MYZAP: variants seen among roughly 807,000 people sequenced by gnomAD.
MYZAP encodes myocardial zonula adherens protein, also known as GRINL1A complex locus upstream.
MYZAP carries 66 observed loss-of-function variants against 69.4 expected under a neutral mutation model. The observed-to-expected ratio is 0.95, with a 90% CI of 0.78 to 1.17. MYZAP has a LOEUF of 1.17. Ranked by LOEUF, MYZAP falls within the 50% of genes most tolerant of loss-of-function variation. MYZAP has a pLI of 0.00. For synonymous variants in MYZAP, 256 were observed against 205.9 expected (o/e 1.24, Z -2.09); for missense variants, 611 against 556.2 (o/e 1.10, Z -0.99).
chr15:57,649,061 G>A (rs2037596437), intron 10 of MYZAP, among the ~76,000 whole-genome samples: 1 of 151,794 alleles, frequency 6.6e-6, no homozygotes, highest in Admixed American at 6.6e-5. Flanking sequence ...TCTCAGTTTT[G>A]TTTCTGCTGT....
intron 5 of MYZAP, among the ~76,000 whole-genome samples, chr15:57,628,762 C>T (rs1191671681): frequency 6.6e-6 from 1 of 152,112 alleles, no homozygotes; most frequent in Non-Finnish European, 1.5e-5. Flanking sequence ...GGCAGGCAGT[C>T]TAGAAGCGCA....
intron 1 of MYZAP, among the ~76,000 whole-genome samples, chr15:57,602,429 C>T (rs188340722): frequency 2.4e-4 from 36 of 152,226 alleles, no homozygotes; most frequent in African/African-American, 8.4e-4. Context: ...GTGTGTCTCT[C>T]CCCAAATTTC....
intron 8 of MYZAP, among the ~76,000 whole-genome samples, chr15:57,637,446 G>C (rs1456602352): frequency 6.6e-6 from 1 of 152,164 alleles, no homozygotes; most frequent in African/African-American, 2.4e-5. Flanking sequence ...TGGGCTGATG[G>C]AATACTTTGG....
intron 10 of MYZAP, among the ~76,000 whole-genome samples, chr15:57,659,917 A>G (rs1489430488): frequency 6.6e-6 from 1 of 152,062 alleles, no homozygotes; most frequent in African/African-American, 2.4e-5. Context: ...GTAGCTATTT[A>G]TTAATAATTA....
chr15:57,671,650 C>A (rs2038872539), intron 11 of MYZAP, among the ~76,000 whole-genome samples: 1 of 151,462 alleles, frequency 6.6e-6, no homozygotes, highest in South Asian at 2.1e-4. Flanking sequence ...TTTCCTTTAC[C>A]ATCTTCAGTC....
intron 10 of MYZAP, among the ~76,000 whole-genome samples, chr15:57,642,998 T>C (rs2037247005): frequency 6.6e-6 from 1 of 152,170 alleles, no homozygotes; most frequent in African/African-American, 2.4e-5. Context: ...CAAGTCCCTC[T>C]CACTAGGCTA....
rs1173341135 is a variant in MYZAP at position 57,646,379 on chromosome 15, A to G, written c.1119+6834A>G. 3.4e-6 allele frequency: 4 copies of G among 1,170,332 alleles called. No homozygotes were observed. In the South Asian group the frequency reaches 5.2e-5, roughly 15 times the overall value. 72.5% of individuals were successfully genotyped at this position (1,170,332 alleles called of 1,614,324 possible). A position where few individuals can be genotyped will look rare whatever the true frequency, so the allele number is the denominator to read the frequency against. ...CTCTTGTTTGTGAAAACACCCACAT[A>G]CTGTCACCCTGACTTGTACAGCCTC... On this transcript the variant is annotated intron_variant, in intron 10 of 12. Coordinates refer to ENST00000267853, the MANE Select transcript of MYZAP (RefSeq NM_001018100.5).
At chr15:57,675,567 CAG>C (rs1555465031) in intron 12 of MYZAP, among the ~76,000 whole-genome samples, 1 of 152,152 alleles carries the variant, frequency 6.6e-6, no homozygotes, top group Non-Finnish European at 1.5e-5. Flanking sequence ...AGTACTGTAA[CAG>C]GGTATTGTCA....
intron 11 of MYZAP, among the ~76,000 whole-genome samples, chr15:57,667,303 G>C (rs543370116): frequency 6.6e-6 from 1 of 152,182 alleles, no homozygotes; most frequent in Admixed American, 6.5e-5. Context: ...GGGCCTGAGG[G>C]GAATGGTGGG....
At chr15:57,650,200 CT>C (rs1162934402) in intron 10 of MYZAP, among the ~76,000 whole-genome samples, 2 of 152,156 alleles carry the variant, frequency 1.3e-5, no homozygotes, top group Non-Finnish European at 2.9e-5. Flanking sequence ...GTTGTTTCCC[CT>C]GTGCCATTGT....
intron 3 of MYZAP, among the ~76,000 whole-genome samples, chr15:57,620,257 A>T (rs146294116): frequency 6.6e-6 from 1 of 152,326 alleles, no homozygotes; most frequent in East Asian, 1.9e-4. Flanking sequence ...AATCTCCACC[A>T]ATATCCAGTA....
intron 12 of MYZAP, among the ~76,000 whole-genome samples, chr15:57,676,030 G>A (rs1038075189): frequency 6.6e-5 from 10 of 152,022 alleles, no homozygotes; most frequent in Non-Finnish European, 1.0e-4. Flanking sequence ...GTGACGAGCC[G>A]ATCACCAAGC....
chr15:57,681,760 G>A (rs918377436), intron 12 of MYZAP, among the ~76,000 whole-genome samples: 1 of 152,114 alleles, frequency 6.6e-6, no homozygotes, highest in Non-Finnish European at 1.5e-5. Context: ...ACTCCAGCCT[G>A]GGCAAGAGAG....
At chr15:57,678,750 C>G (rs1189583952) in intron 12 of MYZAP, among the ~76,000 whole-genome samples, 1 of 152,036 alleles carries the variant, frequency 6.6e-6, no homozygotes, top group Non-Finnish European at 1.5e-5. Context: ...GCATGGGGCA[C>G]TTGTCTTATT....
intron 12 of MYZAP, among the ~76,000 whole-genome samples, chr15:57,681,107 A>G (rs987560952): frequency 6.6e-6 from 1 of 152,228 alleles, no homozygotes; most frequent in Non-Finnish European, 1.5e-5. Context: ...GTTCACCTTT[A>G]TAAATATTTC....
At chr15:57,650,751 A>G (rs1401556276) in intron 10 of MYZAP, among the ~76,000 whole-genome samples, 1 of 152,162 alleles carries the variant, frequency 6.6e-6, no homozygotes, top group Non-Finnish European at 1.5e-5. Flanking sequence ...GTAGTGTTTG[A>G]CCAGGCCTTG....
intron 1 of MYZAP, among the ~76,000 whole-genome samples, chr15:57,594,161 G>T (rs2033903851): frequency 6.6e-6 from 1 of 152,184 alleles, no homozygotes; most frequent in South Asian, 2.1e-4. Context: ...TGTCATCCAG[G>T]CTGGAGTGCC....
intron 12 of MYZAP, among the ~76,000 whole-genome samples, chr15:57,679,027 T>A (rs1314089738): frequency 2.0e-5 from 3 of 151,988 alleles, no homozygotes; most frequent in African/African-American, 7.2e-5. Flanking sequence ...AAATAAGAAA[T>A]TAGCCAGGTG....
At chr15:57,623,839 A>T (rs147745299) in intron 4 of MYZAP, among the ~76,000 whole-genome samples, 2 of 151,858 alleles carry the variant, frequency 1.3e-5, no homozygotes, top group Non-Finnish European at 2.9e-5. Context: ...AATCCCTTGA[A>T]GGGGAGATAC....
Sources: allele counts gnomAD v4.1 joint callset (sites outside exome capture counted in the v4.1 genomes callset), GRCh38; gene constraint gnomAD v4.1.1; transcripts MANE v1.5; gene names NCBI Gene and HGNC (gene_info 2026-07-23, HGNC 2026-07-21).